The following EFHB variants were observed in gnomAD, a reference collection of about 807,000 sequenced individuals.
EFHB encodes EF-hand domain-containing family member B.
EFHB carries 91 observed loss-of-function variants against 87.2 expected under a neutral mutation model. The observed-to-expected ratio is 1.04, with a 90% CI of 0.88 to 1.24. The LOEUF is 1.24. Among genes scored for constraint, EFHB ranks in the 50% most tolerant of loss-of-function variants. The pLI is 0.00. For missense variants in EFHB, 1,084 were observed against 998.8 expected, an observed-to-expected ratio of 1.09 and a Z score of -1.15; for synonymous variants, 325 against 333.6, an observed-to-expected ratio of 0.97 and a Z score of 0.28.
chr3:19,899,078 C>T (rs1210940837), intron 7 of EFHB, among the ~76,000 whole-genome samples: 1 of 152,132 alleles, frequency 6.6e-6, no homozygotes, highest in Non-Finnish European at 1.5e-5. Context: ...AAGCAGAACA[C>T]ACAGAACACA....
chr3:19,900,975 G>A (rs1026908499), intron 6 of EFHB, among the ~76,000 whole-genome samples: 1 of 151,842 alleles, frequency 6.6e-6, no homozygotes, highest in African/African-American at 2.4e-5. Flanking sequence ...AATGTTTGTA[G>A]CCTCATTGAT....
intron 6 of EFHB, among the ~76,000 whole-genome samples, chr3:19,900,778 A>T (rs1228774763): frequency 6.6e-6 from 1 of 152,042 alleles, no homozygotes; most frequent in Non-Finnish European, 1.5e-5. Flanking sequence ...AAACTACAAA[A>T]ATTAGCCAGG....
chr3:19,911,030 A>T (rs1284271527), intron 5 of EFHB, among the ~76,000 whole-genome samples: 1 of 152,262 alleles, frequency 6.6e-6, no homozygotes, highest in East Asian at 1.9e-4. Flanking sequence ...TAACTGTTCA[A>T]TGCCAGACAC....
chr3:19,898,827 A>G lies in EFHB; in HGVS notation c.1521T>C (p.Asn507=), dbSNP rs1575007282. The G allele has an allele frequency of 1.9e-6, 3 of 1,613,850 alleles. No individual in the cohort carries two copies. Among genetic ancestry groups the G allele is most frequent in the Non-Finnish European group, 2.5e-6 (3 of 1,179,824 alleles). The change falls in exon 8 of 13, where the codon AAT becomes AAC. Residue 507 remains asparagine, a synonymous_variant. Transcript: ENST00000295824. ...RVLDPIAETM[N]VPPDCTFGAC... ...CTCCAAATGTGCAGTCTGGGGGAAC[A>G]TTCATTGTTTCTGCAATGCTATCAA...
intron 10 of EFHB, among the ~76,000 whole-genome samples, chr3:19,887,175 G>C (rs1015851100): frequency 2.0e-5 from 3 of 152,036 alleles, no homozygotes; most frequent in African/African-American, 7.2e-5. Context: ...GAGGCCAGGA[G>C]TTCGAGACCA....
At chr3:19,934,840 TGGCATAAA>T (rs577742682), upstream of EFHB, among the ~76,000 whole-genome samples, 202 of 152,326 alleles carry the variant, frequency 1.3e-3, no homozygotes, top group Middle Eastern at 0.014. Context: ...TTGACAACTG[TGGCATAAA>T]GACATCTTAA....
At chr3:19,938,041 G>A (rs925109044), upstream of EFHB, among the ~76,000 whole-genome samples, 6 of 152,150 alleles carry the variant, frequency 3.9e-5, no homozygotes, top group Admixed American at 6.5e-5. Context: ...GCATCCATCC[G>A]AACTTGTTTA....
At chr3:19,938,876 G>A (rs13081502), upstream of EFHB, among the ~76,000 whole-genome samples, 34,148 of 151,872 alleles carry the variant, frequency 0.22, 4,076 homozygotes, top group Middle Eastern at 0.29. Context: ...AGTTCCACTC[G>A]CACACTGGGC....
intron 5 of EFHB, among the ~76,000 whole-genome samples, chr3:19,911,970 ATTTTAT>A (rs1409678823): frequency 1.3e-5 from 2 of 151,866 alleles, no homozygotes; most frequent in Admixed American, 1.3e-4. Flanking sequence ...TTTTAATTTT[ATTTTAT>A]TTTTAAAGTT....
intron 1 of EFHB, among the ~76,000 whole-genome samples, chr3:19,926,806 G>A (rs751303864): frequency 6.6e-6 from 1 of 151,718 alleles, no homozygotes; most frequent in Non-Finnish European, 1.5e-5. Context: ...GATTACAGGC[G>A]CCTGTCACCA....
At chr3:19,911,098 C>A (rs551474356) in intron 5 of EFHB, among the ~76,000 whole-genome samples, 2 of 152,272 alleles carry the variant, frequency 1.3e-5, no homozygotes, top group South Asian at 2.1e-4. Flanking sequence ...ACTAAATAAA[C>A]TAAATAAGAC....
intron 1 of EFHB, among the ~76,000 whole-genome samples, chr3:19,925,784 G>T (rs945085863): frequency 6.6e-6 from 1 of 152,100 alleles, no homozygotes; most frequent in African/African-American, 2.4e-5. Context: ...AAGACCCACA[G>T]ACCCATAATC....
intron 1 of EFHB, among the ~76,000 whole-genome samples, chr3:19,939,485 C>T (rs1032741857): frequency 3.4e-5 from 5 of 145,878 alleles, no homozygotes; most frequent in African/African-American, 1.0e-4. Flanking sequence ...CCCGGGTTCA[C>T]GCCATTCTCC....
chr3:19,934,299 TTCTCTC>T, upstream of EFHB: 15 of 1,303,126 alleles, frequency 1.2e-5, no homozygotes, highest in Non-Finnish European at 1.5e-5. Context: ...TCTCTCATTC[TTCTCTC>T]TCTCTCTCTC....
intron 1 of EFHB, among the ~76,000 whole-genome samples, chr3:19,945,327 A>G (rs1405147400): frequency 6.6e-6 from 1 of 152,266 alleles, no homozygotes; most frequent in Non-Finnish European, 1.5e-5. Flanking sequence ...ATGACATAGC[A>G]TTGAACATTT....
rs762650890 is a variant in EFHB, at chr3:19,918,232, C to G, written c.1177G>C (p.Glu393Gln). The change falls in exon 4 of 13, where the codon GAA (glutamate) becomes CAA (glutamine). Residue 393 changes from glutamate to glutamine, a missense_variant and splice_region_variant. By Grantham distance (29) the Glu-to-Gln change is conservative. Transcript: ENST00000295824. Reference protein sequence around the residue: ...NTTFGTAVIKEYSAKDVVNPP... With the variant: ...NTTFGTAVIKQYSAKDVVNPP... ...CACCCCTTATTTTTTTTTTTACTAC[C>G]TTTGATGACTGCTGTCCCAAATGTC... The G allele has an allele frequency of 5.1e-6, 8 of 1,563,492 alleles. No individual in the cohort carries two copies. Among genetic ancestry groups the G allele is most frequent in the Non-Finnish European group, 6.0e-6 (7 of 1,160,934 alleles).
At chr3:19,919,364 CTT>C (rs752615220) in intron 3 of EFHB, among the ~76,000 whole-genome samples, 111 of 137,038 alleles carry the variant, frequency 8.1e-4, no homozygotes, top group Admixed American at 9.6e-4. Context: ...GCCCCAGCTG[CTT>C]TTTTTTTTTT....
upstream of EFHB, among the ~76,000 whole-genome samples, chr3:19,935,672 C>T (rs534875926): frequency 5.3e-5 from 8 of 151,766 alleles, no homozygotes; most frequent in East Asian, 1.9e-4. Flanking sequence ...GATGGTGCCA[C>T]GACACTCAAG....
upstream of EFHB, among the ~76,000 whole-genome samples, chr3:19,935,186 G>A (rs149402861): frequency 1.7e-4 from 26 of 152,254 alleles, no homozygotes; most frequent in African/African-American, 6.3e-4. Flanking sequence ...TCGGATTACA[G>A]GCGTGAGCCA....
Sources: allele counts gnomAD v4.1 joint callset (sites outside exome capture counted in the v4.1 genomes callset), GRCh38; gene constraint gnomAD v4.1.1; transcripts MANE v1.5; gene names NCBI Gene and HGNC (gene_info 2026-07-23, HGNC 2026-07-21).